IGHMBP2: variants seen among roughly 807,000 people sequenced by gnomAD.
The protein encoded by IGHMBP2 is immunoglobulin mu DNA binding protein 2.
IGHMBP2 carries 81 observed loss-of-function variants against 96.0 expected under a neutral mutation model. That is an observed-to-expected ratio of 0.84 (90% CI 0.71 to 1.01). IGHMBP2 has a LOEUF of 1.01. IGHMBP2 is among the 50% of genes least tolerant of loss of function. IGHMBP2 has a pLI of 0.00. For missense variants in IGHMBP2, 1,227 were observed against 1,306.3 expected (o/e 0.94, Z 0.94); for synonymous variants, 557 against 548.9 (o/e 1.01, Z -0.21).
intron 14 of IGHMBP2, among the ~76,000 whole-genome samples, chr11:68,938,980 A>G (rs1465729407): frequency 6.6e-6 from 1 of 151,982 alleles, no homozygotes; most frequent in East Asian, 1.9e-4. Flanking sequence ...TGGAGCTGAG[A>G]CCTGTGGGAC....
intron 7 of IGHMBP2, among the ~76,000 whole-genome samples, chr11:68,923,876 C>T (rs1414566826): frequency 6.6e-6 from 1 of 152,156 alleles, no homozygotes; most frequent in Admixed American, 6.5e-5. Context: ...GTAGCAGTCT[C>T]TTTGGCATTT....
chr11:68,903,976 C>T lies in IGHMBP2; in HGVS notation c.24C>T (p.Ser8=). ...CGATGGCCTCGGCAGCTGTGGAGAG[C>T]TTCGTGACCAAGCAACTGGACCTGC... MASAAVE[S]FVTKQLDLLE... The change falls in exon 1 of 15, where the codon AGC becomes AGT. Residue 8 remains serine, a synonymous_variant. Transcript: ENST00000255078. 2 of 1,556,394 alleles carry T rather than the reference C, an allele frequency of 1.3e-6. No homozygotes were observed. Among genetic ancestry groups the T allele is most frequent in the East Asian group, 2.4e-5 (1 of 41,256 alleles).
intron 5 of IGHMBP2, among the ~76,000 whole-genome samples, chr11:68,912,528 AATTT>A (rs1858480543): frequency 6.8e-6 from 1 of 146,162 alleles, no homozygotes; most frequent in East Asian, 2.0e-4. Context: ...TTTTTTTTTT[AATTT>A]ATTTATTTAT....
At chr11:68,913,057 A>AAAAAAAAAAAAC in intron 5 of IGHMBP2, among the ~76,000 whole-genome samples, 4 of 150,524 alleles carry the variant, frequency 2.7e-5, no homozygotes, top group East Asian at 3.9e-4. Flanking sequence ...AAAAAAAAAA[A>AAAAAAAAAAAAC]AAAAAAAAAA....
chr11:68,937,959 T>A, intron 13 of IGHMBP2: 1 of 586,396 alleles, frequency 1.7e-6, no homozygotes, highest in South Asian at 2.0e-5. Context: ...AGCTGCTTTT[T>A]AATTTTTTTT....
intron 8 of IGHMBP2, chr11:68,930,389 G>A (rs1314728762): frequency 5.4e-6 from 7 of 1,289,692 alleles, no homozygotes; most frequent in East Asian, 5.5e-5. Flanking sequence ...AAATCCTGTC[G>A]AGTAGAATCT....
In IGHMBP2 at chr11:68,936,622, A is replaced by G. The variant is rs1263283752; in HGVS notation, c.2142A>G (p.Gly714=). The change falls in exon 13 of 15, where the codon GGA becomes GGG. Residue 714 remains glycine (G), a synonymous_variant. Transcript: ENST00000255078. ...CTCCATCTCAGCCCAGCCTCAACGG[A>G]GGCAGCCCAGAGGGAGTGGAGAGCC... ...SEAPSQPSLN[G]GSPEGVESQD... 1.2e-6 allele frequency: 2 copies of G among 1,613,698 alleles called. No individual in the cohort carries two copies. The highest frequency in any genetic ancestry group is 2.2e-5 in the East Asian group (1 of 44,858).
chr11:68,939,419 G>A, intron 14 of IGHMBP2, 115 bp from the exon 15 acceptor site: 5 of 1,043,474 alleles, frequency 4.8e-6, no homozygotes, highest in East Asian at 2.5e-5. Flanking sequence ...CATGGCGGGA[G>A]GAGTGGCCTT....
chr11:68,939,244 A>G (rs1859659588), intron 14 of IGHMBP2, among the ~76,000 whole-genome samples: 1 of 151,848 alleles, frequency 6.6e-6, no homozygotes, highest in African/African-American at 2.4e-5. Context: ...TGCAGTGTGG[A>G]TTAGGTAGGC....
chr11:68,929,194 G>T lies in IGHMBP2; in HGVS notation c.1072G>T (p.Asp358Tyr). ...CCTGTTTCCACCAGGTGCGTCTGCC[G>T]ATGGCCCCCTGAAGTTGCTGCCCGA... ...VLATNTGASA[D>Y]GPLKLLPESY... is the part of the protein sequence containing the mutation. The change falls in exon 8 of 15, where the codon GAT becomes TAT. Residue 358 changes from aspartate to tyrosine, a missense_variant. By Grantham distance (160) the Asp-to-Tyr change is radical. Coordinates refer to ENST00000255078, the MANE Select transcript of IGHMBP2 (RefSeq NM_002180.3). 1 of 1,612,956 alleles carries T rather than the reference G, an allele frequency of 6.2e-7. No individual in the cohort carries two copies. The highest frequency in any genetic ancestry group is 1.3e-5 in the African/African-American group (1 of 75,036).
intron 8 of IGHMBP2, chr11:68,929,645 C>T (rs1859198801): frequency 7.3e-6 from 5 of 682,136 alleles, no homozygotes; most frequent in Non-Finnish European, 9.0e-6. Context: ...GTTGAATATC[C>T]CCTCATGAAC....
At chr11:68,933,503 G>T in intron 9 of IGHMBP2, 22 bp downstream of exon 9, 2 of 1,603,336 alleles carry the variant, frequency 1.2e-6, no homozygotes, top group Non-Finnish European at 1.7e-6. Flanking sequence ...GGCACCACCC[G>T]CCGCCCCATC....
At chr11:68,930,451 G>A in intron 8 of IGHMBP2, 2 of 1,286,080 alleles carry the variant, frequency 1.6e-6, no homozygotes, top group African/African-American at 1.5e-5. Context: ...AGAGAGAGGT[G>A]TCAAAAATAG....
Position 68,935,303 on chromosome 11 carries a change from A to T in IGHMBP2, c.1637A>T (p.Asp546Val). 1 of 1,613,962 alleles carries T rather than the reference A, an allele frequency of 6.2e-7. No homozygotes were observed. The highest frequency in any genetic ancestry group is 1.3e-5 in the African/African-American group (1 of 75,062). ...ACAGCCCGGCTGGTGTTTCAGGTGG[A>T]CCTGCTCAGACAGAGCCTTGTGCAC... Reference protein sequence around the residue: ...AVVSPYNLQVDLLRQSLVHRH... With the variant: ...AVVSPYNLQVVLLRQSLVHRH... The change falls in exon 12 of 15, where the codon GAC (aspartate) becomes GTC (valine). Residue 546 changes from aspartate (D) to valine (V), a missense_variant. By Grantham distance (152) the Asp-to-Val change is radical. Coordinates refer to ENST00000255078, the MANE Select transcript of IGHMBP2 (RefSeq NM_002180.3).
At chr11:68,935,561 C>T in intron 12 of IGHMBP2, 139 bp downstream of exon 12, 1 of 1,032,776 alleles carries the variant, frequency 9.7e-7, no homozygotes, top group Non-Finnish European at 1.5e-6. Context: ...TTAGTAAGTT[C>T]ACGTCAGGCA....
chr11:68,939,023 C>T (rs1256275840), intron 14 of IGHMBP2, among the ~76,000 whole-genome samples: 4 of 152,036 alleles, frequency 2.6e-5, no homozygotes, highest in Non-Finnish European at 5.9e-5. Flanking sequence ...AAGGACAGGG[C>T]CGATGGCGGG....
rs780309501 is a variant in IGHMBP2 at position 68,939,738 on chromosome 11, G to A, written c.*7G>A. 9 of 1,602,392 alleles carry A rather than the reference G, an allele frequency of 5.6e-6. No homozygotes were observed. Among genetic ancestry groups the A allele is most frequent in the Admixed American group, 5.2e-5 (3 of 57,804 alleles). ...GAAGGAGAGGGGGACGTGACCGGCC[G>A]CATCCTTGCACGCCCCGCGGAGCTC... On this transcript the variant is annotated 3_prime_UTR_variant, in exon 15 of 15. Transcript: ENST00000255078.
At position 68,936,515 on chromosome 11, in the gene IGHMBP2, C is replaced by T. The variant is rs371157210; in HGVS notation, c.2035C>T (p.Arg679Trp). ...PATSTRTGSQRQEGGQEAAAP... is the reference protein window; with the variant it reads ...PATSTRTGSQWQEGGQEAAAP... ...TACGTCCACCAGGACCGGAAGCCAG[C>T]GGCAGGAGGGAGGCCAGGAGGCTGC... The change falls in exon 13 of 15, where the codon CGG becomes TGG. Residue 679 changes from arginine to tryptophan, a missense_variant. Physicochemically the swap from Arg to Trp is moderately radical, Grantham distance 101. Around this residue, in one of 3 missense-constraint regions of IGHMBP2, gnomAD observed 703 missense variants for 770.3 expected, o/e 0.91. Coordinates refer to ENST00000255078, the MANE Select transcript of IGHMBP2 (RefSeq NM_002180.3). The T allele has an allele frequency of 1.6e-5, 26 of 1,613,442 alleles. No individual in the cohort carries two copies. The highest frequency in any genetic ancestry group is 1.6e-4 in the Middle Eastern group (1 of 6,084).
At chr11:68,931,052 A>T (rs887714448) in intron 8 of IGHMBP2, among the ~76,000 whole-genome samples, 1 of 152,120 alleles carries the variant, frequency 6.6e-6, no homozygotes, top group African/African-American at 2.4e-5. Flanking sequence ...GGTCCACAGG[A>T]CTGGCAGCCC....
Sources: allele counts gnomAD v4.1 joint callset (sites outside exome capture counted in the v4.1 genomes callset), GRCh38; gene constraint gnomAD v4.1.1; regional missense constraint gnomAD v4.1.1; transcripts MANE v1.5; gene names NCBI Gene and HGNC (gene_info 2026-07-23, HGNC 2026-07-21).